CLIC4: variants seen among roughly 807,000 people sequenced by gnomAD.
CLIC4 encodes chloride intracellular channel protein 4.
CLIC4 carries 13 observed loss-of-function variants against 24.6 expected under a neutral mutation model. The ratio of observed to expected loss-of-function variants is 0.53; its 90% CI spans 0.34 to 0.84. The LOEUF (loss-of-function observed/expected upper bound fraction) is 0.84, where lower values mean the gene tolerates loss of function less well. Ranked by LOEUF, CLIC4 falls within the 40% of genes least tolerant of loss-of-function variation. CLIC4 has a pLI of 0.01. For missense variants in CLIC4, 227 were observed against 301.7 expected (o/e 0.75, Z 1.83); for synonymous variants, 104 against 111.3 (o/e 0.93, Z 0.41).
At chr1:24,769,000 CG>C (rs564682503) in intron 1 of CLIC4, among the ~76,000 whole-genome samples, 129 of 150,698 alleles carry the variant, frequency 8.6e-4, no homozygotes, top group African/African-American at 2.9e-3. Flanking sequence ...TTAAAAATAG[CG>C]GGGCATGGTG....
At chr1:24,762,640 G>A (rs1193580151) in intron 1 of CLIC4, among the ~76,000 whole-genome samples, 1 of 152,172 alleles carries the variant, frequency 6.6e-6, no homozygotes, top group Non-Finnish European at 1.5e-5. Flanking sequence ...TGTAAGGAGG[G>A]AGTGACCAGT....
intron 1 of CLIC4, among the ~76,000 whole-genome samples, chr1:24,751,901 T>G (rs1160917848): frequency 2.6e-5 from 4 of 152,140 alleles, no homozygotes; most frequent in Non-Finnish European, 5.9e-5. Flanking sequence ...AGTAATCCCT[T>G]TGCGGAGTTC....
chr1:24,793,487 A>G (rs190509921), intron 1 of CLIC4, among the ~76,000 whole-genome samples: 15 of 152,188 alleles, frequency 9.9e-5, no homozygotes, highest in African/African-American at 3.1e-4. Context: ...CTGGGCCCCA[A>G]CCCGGGAGTT....
At chr1:24,765,092 T>C (rs1638977581) in intron 1 of CLIC4, among the ~76,000 whole-genome samples, 1 of 152,242 alleles carries the variant, frequency 6.6e-6, no homozygotes, top group Non-Finnish European at 1.5e-5. Flanking sequence ...CCTTTTCACT[T>C]CTAGGAAGAT....
chr1:24,778,897 A>G (rs988734608), intron 1 of CLIC4, among the ~76,000 whole-genome samples: 13 of 152,232 alleles, frequency 8.5e-5, no homozygotes, highest in African/African-American at 2.9e-4. Flanking sequence ...CATCTTCAGC[A>G]TATACTTCAA....
intron 1 of CLIC4, among the ~76,000 whole-genome samples, chr1:24,786,699 G>T (rs1002259965): frequency 2.6e-5 from 4 of 151,316 alleles, no homozygotes; most frequent in African/African-American, 9.7e-5. Flanking sequence ...CTCACTGCAA[G>T]CTCTGCCTCC....
At chr1:24,758,583 A>G (rs897992814) in intron 1 of CLIC4, among the ~76,000 whole-genome samples, 10 of 151,872 alleles carry the variant, frequency 6.6e-5, no homozygotes, top group Non-Finnish European at 1.5e-4. Flanking sequence ...CAGCCTCCCG[A>G]CTGGCTGGGA....
At chr1:24,781,134 ATTTT>A (rs35627731) in intron 1 of CLIC4, among the ~76,000 whole-genome samples, 1 of 97,330 alleles carries the variant, frequency 1.0e-5, no homozygotes, top group Non-Finnish European at 2.0e-5. Context: ...AGGTAACTGA[ATTTT>A]TTTTTTTTTT....
Position 24,841,104 on chromosome 1 carries a change from C to T in CLIC4, c.*167C>T. 3 of 446,834 alleles carry T rather than the reference C, an allele frequency of 6.7e-6. No individual in the cohort carries two copies. Among genetic ancestry groups the T allele is most frequent in the Non-Finnish European group, 1.1e-5 (3 of 262,646 alleles). 27.7% of individuals were successfully genotyped at this position (446,834 alleles called of 1,614,324 possible). A position where few individuals can be genotyped will look rare whatever the true frequency, so the allele number is the denominator to read the frequency against. ...TATAGTAGTTATCTTAAAATATACA[C>T]TCCTAAGCAGTATTATTTTAAAATC... On this transcript the variant is annotated 3_prime_UTR_variant, in exon 6 of 6. Coordinates refer to ENST00000374379, the MANE Select transcript of CLIC4 (RefSeq NM_013943.3).
intron 1 of CLIC4, among the ~76,000 whole-genome samples, chr1:24,796,314 A>G (rs1239806997): frequency 6.6e-6 from 1 of 151,948 alleles, no homozygotes; most frequent in African/African-American, 2.4e-5. Context: ...TCAGCCTCGC[A>G]AGTAGCTGGG....
chr1:24,758,187 A>G (rs1355620284), intron 1 of CLIC4, among the ~76,000 whole-genome samples: 1 of 152,132 alleles, frequency 6.6e-6, no homozygotes, highest in African/African-American at 2.4e-5. Flanking sequence ...TCTTTTTTCC[A>G]GTTATAAAAG....
At chr1:24,771,455 C>T (rs942789593) in intron 1 of CLIC4, among the ~76,000 whole-genome samples, 2 of 152,034 alleles carry the variant, frequency 1.3e-5, no homozygotes, top group African/African-American at 2.4e-5. Flanking sequence ...CTTTTTTCTT[C>T]TTTTTATATT....
rs1248733481 is a variant in CLIC4, at chr1:24,840,035, T to C, written c.591T>C (p.Ile197=). 1.2e-6 allele frequency: 2 copies of C among 1,613,914 alleles called. No individual in the cohort carries two copies. The highest frequency in any genetic ancestry group is 1.7e-6 in the Non-Finnish European group (2 of 1,179,870). ...GCAACCTGCTGCCCAAACTGCATAT[T>C]GTCAAGGTAGGTCTGTAGGGGTTGA... ...ADCNLLPKLH[I]VKVVAKKYRN... is the part of the protein sequence containing the mutation. The change falls in exon 5 of 6, where the codon ATT becomes ATC. Residue 197 remains isoleucine, a synonymous_variant. Coordinates refer to ENST00000374379, the MANE Select transcript of CLIC4 (RefSeq NM_013943.3).
chr1:24,829,348 CAAGT>C (rs1639817650), intron 4 of CLIC4, among the ~76,000 whole-genome samples: 2 of 152,038 alleles, frequency 1.3e-5, no homozygotes, highest in South Asian at 4.1e-4. Context: ...ACAAAGTAAA[CAAGT>C]AAAATGTGAA....
At chr1:24,831,731 C>T (rs1230148239) in intron 4 of CLIC4, among the ~76,000 whole-genome samples, 3 of 152,178 alleles carry the variant, frequency 2.0e-5, no homozygotes, top group Admixed American at 6.5e-5. Context: ...CTCCACCTCC[C>T]GGGTTCAAGT....
intron 4 of CLIC4, among the ~76,000 whole-genome samples, chr1:24,828,930 C>T (rs968569263): frequency 1.3e-5 from 2 of 152,158 alleles, no homozygotes; most frequent in African/African-American, 4.8e-5. Context: ...AGCAACTTCT[C>T]TCCACAGGGA....
rs545845744 is a variant in CLIC4 at position 24,776,469 on chromosome 1, T to C, written c.73-21273T>C. ...GTTATGATAGGCAGAGTTGATCCTA[T>C]AGGAGGAACTGCCTGGTCTTACTAG... On this transcript the variant is annotated intron_variant, in intron 1 of 5. Coordinates refer to ENST00000374379, the MANE Select transcript of CLIC4 (RefSeq NM_013943.3). Among the ~76,000 whole-genome samples the C allele has an allele frequency of 7.3e-4, 111 of 152,326 alleles. 1 individual carries two copies. Among genetic ancestry groups the C allele is most frequent in the African/African-American group, 2.5e-3 (105 of 41,580 alleles).
At chr1:24,763,396 C>T (rs569197649) in intron 1 of CLIC4, among the ~76,000 whole-genome samples, 25 of 151,840 alleles carry the variant, frequency 1.6e-4, no homozygotes, top group South Asian at 1.0e-3. Flanking sequence ...AAAAATTAGC[C>T]GGGCGTTGTG....
intron 3 of CLIC4, among the ~76,000 whole-genome samples, chr1:24,817,831 T>C (rs143815319): frequency 1.3e-3 from 195 of 152,304 alleles, no homozygotes; most frequent in Admixed American, 2.2e-3. Context: ...GAGGTCATTG[T>C]AGGGTCATCA....
Sources: allele counts gnomAD v4.1 joint callset (sites outside exome capture counted in the v4.1 genomes callset), GRCh38; gene constraint gnomAD v4.1.1; transcripts MANE v1.5; gene names NCBI Gene and HGNC (gene_info 2026-07-23, HGNC 2026-07-21).